Variants in SGCZ observed in about 807,000 individuals in gnomAD.
SGCZ encodes zeta-sarcoglycan.
SGCZ carries 40 observed loss-of-function variants against 41.3 expected under a neutral mutation model. The observed-to-expected ratio is 0.97, with a 90% CI of 0.75 to 1.26. The LOEUF (loss-of-function observed/expected upper bound fraction) is 1.26, where lower values mean the gene tolerates loss of function less well. SGCZ is among the 50% of genes most tolerant of loss of function. SGCZ has a pLI of 0.00. For missense variants in SGCZ, 552 were observed against 369.8 expected (o/e 1.49, Z -4.04); for synonymous variants, 206 against 137.5 (o/e 1.50, Z -3.49).
At chr8:15,174,385 A>T (rs1799938087) in intron 1 of SGCZ, among the ~76,000 whole-genome samples, 1 of 152,246 alleles carries the variant, frequency 6.6e-6, no homozygotes, top group Non-Finnish European at 1.5e-5. Flanking sequence ...AAAACATTGT[A>T]TATAACCCCA....
chr8:14,805,520 G>C (rs972053046), intron 1 of SGCZ, among the ~76,000 whole-genome samples: 4 of 137,838 alleles, frequency 2.9e-5, no homozygotes, highest in African/African-American at 1.0e-4. Flanking sequence ...AATTCAACAA[G>C]AGGAGCTAAC....
chr8:15,207,234 T>C (rs1801097058), intron 1 of SGCZ, among the ~76,000 whole-genome samples: 3 of 152,178 alleles, frequency 2.0e-5, no homozygotes, highest in South Asian at 4.1e-4. Context: ...CAGGCAGCAA[T>C]GCTAGGCAAG....
chr8:14,631,603 T>C (rs1478195729), intron 1 of SGCZ, among the ~76,000 whole-genome samples: 1 of 152,152 alleles, frequency 6.6e-6, no homozygotes, highest in Non-Finnish European at 1.5e-5. Context: ...ACACTTCTGA[T>C]ATCTAATAAG....
intron 1 of SGCZ, among the ~76,000 whole-genome samples, chr8:14,733,330 G>C (rs942347104): frequency 2.6e-5 from 4 of 152,080 alleles, no homozygotes; most frequent in African/African-American, 9.7e-5. Context: ...AACAATTGAG[G>C]ATCTATATTT....
rs551547786 is a variant in SGCZ at position 14,862,023 on chromosome 8, A to T, written c.40-307097T>A. Among the ~76,000 whole-genome samples the T allele has an allele frequency of 1.4e-4, 21 of 152,264 alleles. 1 individual carries two copies. The South Asian group carries it at 3.9e-3, about 29-fold the overall frequency. ...ACCTGAATTCCACCATTGGAAAAAA[A>T]AAATAGTCTGTAGTAACATTTAAAA... On this transcript the variant is annotated intron_variant, in intron 1 of 7. Transcript: ENST00000382080.
At chr8:14,197,343 G>A (rs1278800654) in intron 4 of SGCZ, among the ~76,000 whole-genome samples, 2 of 151,902 alleles carry the variant, frequency 1.3e-5, no homozygotes, top group African/African-American at 4.8e-5. Flanking sequence ...CAACAAGAAG[G>A]TAGAACAATA....
At chr8:14,250,324 T>G (rs1799242304) in intron 3 of SGCZ, among the ~76,000 whole-genome samples, 2 of 152,168 alleles carry the variant, frequency 1.3e-5, no homozygotes. Context: ...TAAATTAGAA[T>G]GTTTGCCCTC....
At chr8:14,767,646 C>T (rs954128357) in intron 1 of SGCZ, among the ~76,000 whole-genome samples, 2 of 152,086 alleles carry the variant, frequency 1.3e-5, no homozygotes, top group South Asian at 2.1e-4. Flanking sequence ...AAATTTTATT[C>T]GGAATCTTAA....
At chr8:14,972,487 G>A (rs1011371386) in intron 1 of SGCZ, among the ~76,000 whole-genome samples, 1 of 152,116 alleles carries the variant, frequency 6.6e-6, no homozygotes, top group African/African-American at 2.4e-5. Context: ...GTTTGCTTAT[G>A]TAGACCATTA....
chr8:14,642,527 C>T (rs1222958488), intron 1 of SGCZ, among the ~76,000 whole-genome samples: 1 of 151,314 alleles, frequency 6.6e-6, no homozygotes, highest in Non-Finnish European at 1.5e-5. Flanking sequence ...ATATTGGCTT[C>T]TTCTAACAGC....
chr8:14,807,010 G>A (rs1170315592), intron 1 of SGCZ, among the ~76,000 whole-genome samples: 1 of 152,032 alleles, frequency 6.6e-6, no homozygotes, highest in Admixed American at 6.6e-5. Context: ...ATGCAGAAAA[G>A]GCCTTTGACA....
chr8:14,978,506 A>AAAAAAAT (rs1801560741), intron 1 of SGCZ, among the ~76,000 whole-genome samples: 1 of 135,994 alleles, frequency 7.4e-6, no homozygotes, highest in Non-Finnish European at 1.6e-5. Flanking sequence ...AAAAAAAAAA[A>AAAAAAAT]TTGTATCTGC....
intron 2 of SGCZ, among the ~76,000 whole-genome samples, chr8:14,463,484 A>G (rs926079870): frequency 6.6e-6 from 1 of 151,332 alleles, no homozygotes; most frequent in Non-Finnish European, 1.5e-5. Flanking sequence ...ATATAACAAA[A>G]TTAACTAAAA....
intron 7 of SGCZ, among the ~76,000 whole-genome samples, chr8:14,101,132 A>G (rs1802007157): frequency 6.6e-6 from 1 of 152,184 alleles, no homozygotes; most frequent in African/African-American, 2.4e-5. Flanking sequence ...TTGAAAAAAA[A>G]AGATGAGACT....
chr8:14,118,758 C>T (rs1194225052), intron 5 of SGCZ, among the ~76,000 whole-genome samples: 2 of 152,102 alleles, frequency 1.3e-5, no homozygotes, highest in Non-Finnish European at 2.9e-5. Context: ...AGGAAAGGGT[C>T]CAGTGTCAGT....
intron 1 of SGCZ, among the ~76,000 whole-genome samples, chr8:14,937,919 T>C (rs917212788): frequency 6.6e-6 from 1 of 152,130 alleles, no homozygotes; most frequent in Non-Finnish European, 1.5e-5. Flanking sequence ...ACATTGGATA[T>C]AATATAATCT....
At chr8:14,838,812 A>G (rs1304152723) in intron 1 of SGCZ, among the ~76,000 whole-genome samples, 2 of 152,156 alleles carry the variant, frequency 1.3e-5, no homozygotes, top group Non-Finnish European at 2.9e-5. Context: ...TCATCACATA[A>G]AAGAACACAA....
intron 2 of SGCZ, among the ~76,000 whole-genome samples, chr8:14,520,530 G>T (rs575617675): frequency 3.7e-4 from 57 of 152,176 alleles, no homozygotes; most frequent in African/African-American, 1.3e-3. Context: ...TTCTGCAAGG[G>T]AAATAATATA....
intron 3 of SGCZ, among the ~76,000 whole-genome samples, chr8:14,266,516 C>T (rs925660392): frequency 1.3e-5 from 2 of 152,020 alleles, no homozygotes; most frequent in Non-Finnish European, 2.9e-5. Flanking sequence ...AAATGCAGGA[C>T]ATGTCTGCAC....
Sources: gnomAD v4.1 joint callset for allele counts (sites outside exome capture counted in the v4.1 genomes callset) on GRCh38, gnomAD v4.1.1 for gene constraint, MANE v1.5 for transcripts, NCBI Gene and HGNC (gene_info 2026-07-23, HGNC 2026-07-21) for gene names.